Variants in MAGI3 observed in about 807,000 individuals in gnomAD.
The protein encoded by MAGI3 is membrane-associated guanylate kinase, WW and PDZ domain-containing protein 3.
Under a neutral mutation model 121.8 loss-of-function variants are expected in MAGI3, and 43 were observed. The observed-to-expected ratio is 0.35, with a 90% CI of 0.28 to 0.46. The LOEUF (loss-of-function observed/expected upper bound fraction) is 0.46, where lower values mean the gene tolerates loss of function less well. MAGI3 is among the 20% of genes least tolerant of loss of function. The pLI is 1.00. For synonymous variants in MAGI3, 553 were observed against 639.3 expected (o/e 0.86, Z 2.04); for missense variants, 1,547 against 1,797.3 (o/e 0.86, Z 2.52).
rs529986669 is a variant in MAGI3 at position 113,685,339 on chromosome 1, G to T, written c.*1325G>T. The T allele has an allele frequency of 2.0e-5, 3 of 152,410 alleles. No individual in the cohort carries two copies. In the East Asian group the frequency reaches 5.6e-4, roughly 29 times the overall value. The allele number at this position is 152,410 out of a possible 1,614,324, so 9.4% of individuals were successfully genotyped here. On this transcript the variant is annotated 3_prime_UTR_variant, in exon 21 of 21. Coordinates refer to ENST00000307546, the MANE Select transcript of MAGI3 (RefSeq NM_001142782.2). ...TTCAGTAGCATCTATATAAATAAAGGCACCTTCTGAGAATAAAACTATTTT... is the reference window on the plus strand; with the variant it reads ...TTCAGTAGCATCTATATAAATAAAGTCACCTTCTGAGAATAAAACTATTTT...
At chr1:113,429,096 G>A (rs1432048546) in intron 1 of MAGI3, among the ~76,000 whole-genome samples, 1 of 152,206 alleles carries the variant, frequency 6.6e-6, no homozygotes, top group Non-Finnish European at 1.5e-5. Context: ...AATCAGAGTG[G>A]TAGTATAAGT....
intron 9 of MAGI3, among the ~76,000 whole-genome samples, chr1:113,633,122 C>T (rs1451049037): frequency 3.6e-5 from 5 of 139,090 alleles, no homozygotes; most frequent in Non-Finnish European, 6.1e-5. Context: ...TCTCATTCTT[C>T]ACTTCCCACC....
intron 7 of MAGI3, among the ~76,000 whole-genome samples, chr1:113,616,554 T>C (rs1201317838): frequency 2.0e-5 from 3 of 152,224 alleles, no homozygotes; most frequent in Non-Finnish European, 4.4e-5. Context: ...GTGGTAGTTT[T>C]TCTTTGTATT....
chr1:113,637,295 T>C (rs1652100363), intron 9 of MAGI3, among the ~76,000 whole-genome samples: 1 of 152,228 alleles, frequency 6.6e-6, no homozygotes, highest in South Asian at 2.1e-4. Context: ...GTTATTTTGC[T>C]CGTTAGTTGA....
At chr1:113,613,494 A>G (rs1650281166) in intron 6 of MAGI3, among the ~76,000 whole-genome samples, 1 of 152,178 alleles carries the variant, frequency 6.6e-6, no homozygotes, top group Non-Finnish European at 1.5e-5. Context: ...AGTTTATTAT[A>G]ATGGAATTTT....
At chr1:113,472,024 T>A (rs187812140) in intron 1 of MAGI3, among the ~76,000 whole-genome samples, 1 of 152,360 alleles carries the variant, frequency 6.6e-6, no homozygotes, top group East Asian at 1.9e-4. Context: ...TATTACATAA[T>A]GACTTTTGTC....
At chr1:113,514,178 G>A (rs1298983700) in intron 1 of MAGI3, among the ~76,000 whole-genome samples, 3 of 152,210 alleles carry the variant, frequency 2.0e-5, no homozygotes. Context: ...CCATTGGTGG[G>A]ACTGTAAACT....
intron 1 of MAGI3, among the ~76,000 whole-genome samples, chr1:113,413,734 C>T (rs569510988): frequency 7.9e-5 from 12 of 152,256 alleles, no homozygotes; most frequent in Admixed American, 7.2e-4. Context: ...ATTTTGTATC[C>T]TGCGACTTTG....
At chr1:113,678,971 T>C (rs1648042166) in intron 19 of MAGI3, among the ~76,000 whole-genome samples, 1 of 152,222 alleles carries the variant, frequency 6.6e-6, no homozygotes, top group Non-Finnish European at 1.5e-5. Flanking sequence ...ACTTCTGGAT[T>C]GTTTTAGTAA....
chr1:113,503,222 A>T (rs1657119562), intron 1 of MAGI3, among the ~76,000 whole-genome samples: 1 of 41,688 alleles, frequency 2.4e-5, no homozygotes, highest in African/African-American at 7.6e-5. Flanking sequence ...GTATAATTAA[A>T]AAAAAAAAAA....
chr1:113,615,794 A>C (rs1489273026), intron 7 of MAGI3, among the ~76,000 whole-genome samples: 1 of 152,204 alleles, frequency 6.6e-6, no homozygotes, highest in Non-Finnish European at 1.5e-5. Flanking sequence ...TTAATGTCTT[A>C]CTGATACTGT....
chr1:113,551,701 A>G (rs905227386), intron 2 of MAGI3, among the ~76,000 whole-genome samples: 1 of 152,116 alleles, frequency 6.6e-6, no homozygotes, highest in South Asian at 2.1e-4. Flanking sequence ...ATTTTTATTG[A>G]TGTGATCAAT....
chr1:113,479,175 A>G (rs1441092421), intron 1 of MAGI3, among the ~76,000 whole-genome samples: 1 of 152,222 alleles, frequency 6.6e-6, no homozygotes, highest in Non-Finnish European at 1.5e-5. Context: ...TGGCTAGGAA[A>G]GGGAAATCCC....
intron 1 of MAGI3, among the ~76,000 whole-genome samples, chr1:113,437,851 CT>C (rs58748269): frequency 0.045 from 2,469 of 54,610 alleles, 173 homozygotes; most frequent in Non-Finnish European, 0.049. Flanking sequence ...TCTTCTTCTT[CT>C]TCTTCTTCTT....
chr1:113,441,277 A>G (rs1653899517), intron 1 of MAGI3, among the ~76,000 whole-genome samples: 1 of 152,032 alleles, frequency 6.6e-6, no homozygotes, highest in African/African-American at 2.4e-5. Context: ...TCAGCTTCCT[A>G]TTATTGGAGC....
chr1:113,393,396 A>G (rs1336210639), intron 1 of MAGI3, among the ~76,000 whole-genome samples: 1 of 152,176 alleles, frequency 6.6e-6, no homozygotes, highest in Non-Finnish European at 1.5e-5. Flanking sequence ...TTGAAGAGAC[A>G]CTTTGTGTCA....
intron 1 of MAGI3, among the ~76,000 whole-genome samples, chr1:113,513,037 GA>G (rs1657697371): frequency 6.6e-6 from 1 of 152,130 alleles, no homozygotes; most frequent in South Asian, 2.1e-4. Context: ...TTGCTTCAAA[GA>G]GAATAAAATA....
intron 2 of MAGI3, among the ~76,000 whole-genome samples, chr1:113,567,861 A>T (rs934537026): frequency 3.3e-5 from 5 of 152,098 alleles, no homozygotes. Context: ...TTCTAGCCAG[A>T]GTAATAAGAC....
intron 1 of MAGI3, among the ~76,000 whole-genome samples, chr1:113,469,694 CTTATA>C (rs1655452976): frequency 6.6e-6 from 1 of 152,116 alleles, no homozygotes; most frequent in East Asian, 1.9e-4. Flanking sequence ...CAACTTATCT[CTTATA>C]TTATTAATAG....
Sources: allele counts gnomAD v4.1 joint callset (sites outside exome capture counted in the v4.1 genomes callset), GRCh38; gene constraint gnomAD v4.1.1; transcripts MANE v1.5; gene names NCBI Gene and HGNC (gene_info 2026-07-23, HGNC 2026-07-21).